Variants in YTHDF2 observed in about 807,000 individuals in gnomAD.
YTHDF2 encodes the protein YTH domain-containing family protein 2.
YTHDF2 carries 2 observed loss-of-function variants against 50.4 expected under a neutral mutation model. The ratio of observed to expected loss-of-function variants is 0.04; its 90% confidence interval spans 0.02 to 0.12. The LOEUF is 0.12. Among genes scored for constraint, YTHDF2 ranks in the 10% least tolerant of loss-of-function variants. The pLI is 1.00. For synonymous variants in YTHDF2, 217 were observed against 255.6 expected (o/e 0.85, Z 1.44); for missense variants, 483 against 722.6 (o/e 0.67, Z 3.80).
At chr1:28,745,715 T>TCCCC (rs2087847349) in intron 4 of YTHDF2, among the ~76,000 whole-genome samples, 1 of 51,730 alleles carries the variant, frequency 1.9e-5, no homozygotes, top group Non-Finnish European at 3.6e-5. Context: ...TAAACTCCCA[T>TCCCC]CTCCCCCCGC....
At chr1:28,745,437 A>C (rs1465848811) in intron 4 of YTHDF2, among the ~76,000 whole-genome samples, 1 of 152,202 alleles carries the variant, frequency 6.6e-6, no homozygotes, top group African/African-American at 2.4e-5. Flanking sequence ...GTTTAACTTA[A>C]AGTCTTCCAT....
At chr1:28,767,647 T>C (rs1327615787) in intron 4 of YTHDF2, among the ~76,000 whole-genome samples, 1 of 152,026 alleles carries the variant, frequency 6.6e-6, no homozygotes, top group Admixed American at 6.6e-5. Context: ...TAGCTGAGAT[T>C]ACAGGTGCCT....
At chr1:28,757,624 A>G (rs2088053240) in intron 4 of YTHDF2, among the ~76,000 whole-genome samples, 1 of 152,210 alleles carries the variant, frequency 6.6e-6, no homozygotes, top group Non-Finnish European at 1.5e-5. Context: ...TAGCATATAG[A>G]ACTTAAGCGT....
intron 4 of YTHDF2, among the ~76,000 whole-genome samples, chr1:28,757,418 G>T (rs1352508926): frequency 2.3e-5 from 3 of 131,758 alleles, no homozygotes; most frequent in Non-Finnish European, 5.1e-5. Flanking sequence ...AGGGACAGGG[G>T]CTGGCAGTTG....
Position 28,742,981 on chromosome 1 carries a change from A to G in YTHDF2, c.711A>G (p.Ala237=), listed in dbSNP as rs2087802277. 3 of 1,614,088 alleles carry G rather than the reference A, an allele frequency of 1.9e-6. No homozygotes were observed. Among genetic ancestry groups the G allele is most frequent in the Non-Finnish European group, 2.5e-6 (3 of 1,180,044 alleles). ...PPATIAPPKP[A]SWADIASKPA... ...CCACCATTGCTCCTCCAAAACCAGC[A>G]TCTTGGGCTGATATTGCTAGCAAGC... Residue 237 remains alanine, a synonymous_variant, in exon 4 of 5, where the codon GCA becomes GCG. Transcript: ENST00000373812.
intron 3 of YTHDF2, among the ~76,000 whole-genome samples, 173 bp downstream of exon 3, chr1:28,738,511 TTC>T (rs1320916119): frequency 2.0e-5 from 3 of 152,180 alleles, no homozygotes; most frequent in Non-Finnish European, 2.9e-5. Flanking sequence ...GTGGCGCAAT[TTC>T]GGCTCGCTCC....
intron 4 of YTHDF2, among the ~76,000 whole-genome samples, chr1:28,745,869 ATC>A (rs1451697454): frequency 7.3e-6 from 1 of 137,076 alleles, no homozygotes; most frequent in Non-Finnish European, 1.6e-5. Flanking sequence ...GTGAGACCCC[ATC>A]TCTCTAAAAA....
At chr1:28,750,613 G>A (rs910626929) in intron 4 of YTHDF2, among the ~76,000 whole-genome samples, 2 of 152,112 alleles carry the variant, frequency 1.3e-5, no homozygotes, top group African/African-American at 4.8e-5. Flanking sequence ...ATTTCTGACC[G>A]AAGTATTTGT....
At chr1:28,739,792 T>C (rs1446917380) in intron 3 of YTHDF2, among the ~76,000 whole-genome samples, 1 of 152,226 alleles carries the variant, frequency 6.6e-6, no homozygotes, top group East Asian at 1.9e-4. Flanking sequence ...AATACTAATA[T>C]GACCTGTGCA....
intron 4 of YTHDF2, among the ~76,000 whole-genome samples, chr1:28,767,025 A>G (rs1473847474): frequency 8.6e-5 from 10 of 116,598 alleles, no homozygotes; most frequent in Admixed American, 2.5e-4. Context: ...TTTTTTTTGT[A>G]GAGACAGTGT....
At chr1:28,754,531 A>G (rs1332946649) in intron 4 of YTHDF2, among the ~76,000 whole-genome samples, 1 of 151,110 alleles carries the variant, frequency 6.6e-6, no homozygotes, top group African/African-American at 2.4e-5. Flanking sequence ...CTGTGTCTCA[A>G]AAAAAAAATT....
intron 4 of YTHDF2, among the ~76,000 whole-genome samples, chr1:28,765,344 CTT>C (rs1410604701): frequency 6.6e-6 from 1 of 152,066 alleles, no homozygotes; most frequent in Non-Finnish European, 1.5e-5. Context: ...TTAAATATAA[CTT>C]AGTGCACCTA....
intron 2 of YTHDF2, 111 bp downstream of exon 2, chr1:28,737,793 C>G (rs2087717863): frequency 7.9e-7 from 1 of 1,262,458 alleles, no homozygotes; most frequent in East Asian, 2.4e-5. Flanking sequence ...CCGCTTAGTT[C>G]GCAGGTGCCG....
At chr1:28,752,022 C>T (rs1001549272) in intron 4 of YTHDF2, among the ~76,000 whole-genome samples, 1 of 152,146 alleles carries the variant, frequency 6.6e-6, no homozygotes, top group Non-Finnish European at 1.5e-5. Context: ...GGAAGAGGCT[C>T]AGAGGTTATT....
intron 4 of YTHDF2, among the ~76,000 whole-genome samples, chr1:28,766,421 T>TAAGTCTGTCTTCACTGGTTTC (rs1017943895): frequency 2.6e-5 from 4 of 152,310 alleles, no homozygotes; most frequent in Non-Finnish European, 5.9e-5. Flanking sequence ...CCAGCCCTCC[T>TAAGTCTGTCTTCACTGGTTTC]AAGTCTGTCT....
chr1:28,751,725 A>G (rs2087955414), intron 4 of YTHDF2, among the ~76,000 whole-genome samples: 1 of 152,214 alleles, frequency 6.6e-6, no homozygotes, highest in Non-Finnish European at 1.5e-5. Flanking sequence ...CAGAGAAACA[A>G]GGCACCATCT....
chr1:28,750,527 ACT>A (rs1183200270), intron 4 of YTHDF2, among the ~76,000 whole-genome samples: 1 of 152,144 alleles, frequency 6.6e-6, no homozygotes, highest in Admixed American at 6.6e-5. Context: ...GGATTAGCTG[ACT>A]CAGGATAACA....
Position 28,737,147 on chromosome 1 carries a change from G to T in YTHDF2, c.27G>T (p.Gln9His). 2 of 1,597,574 alleles carry T rather than the reference G, an allele frequency of 1.3e-6. No individual in the cohort carries two copies. The highest frequency in any genetic ancestry group is 1.1e-5 in the South Asian group (1 of 88,868). The change falls in exon 1 of 5, where the codon CAG becomes CAT. Residue 9 changes from glutamine to histidine, a missense_variant and splice_region_variant. Coordinates refer to ENST00000373812, the MANE Select transcript of YTHDF2 (RefSeq NM_016258.3). MSASSLLE[Q>H]RPKGQGNKVQ... ...TGTCGGCCAGCAGCCTCTTGGAGCA[G>T]GTACAGGCCCGGCCCGCATGCCTCG... is the stretch of plus-strand genomic sequence containing the variant.
In YTHDF2 at chr1:28,743,411, ACTC is replaced by A. The variant is rs2087809909; in HGVS notation, c.1144_1146del (p.Pro382del). ...ACAGTCTCAGGCTGGTTCTGGATCT[ACTC>A]CTTCAGAACCCCACCCAGTGTTGGA... On this transcript the variant is annotated inframe_deletion, in exon 4 of 5. Coordinates refer to ENST00000373812, the MANE Select transcript of YTHDF2 (RefSeq NM_016258.3). This position sits in a 1 kb window ranked among gnomAD's most constrained non-coding sequence, Gnocchi z 6.9. 1 of 1,613,542 alleles carries A rather than the reference ACTC, an allele frequency of 6.2e-7. No homozygotes were observed. The highest frequency in any genetic ancestry group is 1.1e-5 in the South Asian group (1 of 91,040).
Sources: allele counts gnomAD v4.1 joint callset (sites outside exome capture counted in the v4.1 genomes callset), GRCh38; gene constraint gnomAD v4.1.1; non-coding constraint Gnocchi (gnomAD v3.1); transcripts MANE v1.5; gene names NCBI Gene and HGNC (gene_info 2026-07-23, HGNC 2026-07-21).